Variants in PAN3 observed in about 807,000 individuals in gnomAD.
The protein encoded by PAN3 is PAN2-PAN3 deadenylation complex subunit PAN3.
In PAN3, 19 loss-of-function variants were observed where a neutral mutation model predicts 96.2. That is an observed-to-expected ratio of 0.20 (90% CI 0.14 to 0.29). The LOEUF is 0.29. PAN3 is among the 10% of genes least tolerant of loss of function. PAN3 has a pLI of 1.00. For synonymous variants in PAN3, 433 were observed against 406.6 expected, an observed-to-expected ratio of 1.06 and a Z score of -0.78; for missense variants, 882 against 1,108.1, an observed-to-expected ratio of 0.80 and a Z score of 2.90.
intron 15 of PAN3, among the ~76,000 whole-genome samples, chr13:28,277,583 T>G (rs1887166096): frequency 6.6e-6 from 1 of 152,214 alleles, no homozygotes; most frequent in South Asian, 2.1e-4. Flanking sequence ...TTTTAAACAT[T>G]TGGTTAAAGG....
intron 6 of PAN3, among the ~76,000 whole-genome samples, chr13:28,227,480 T>C (rs1339061806): frequency 6.6e-6 from 1 of 152,172 alleles, no homozygotes; most frequent in Non-Finnish European, 1.5e-5. Context: ...CTCTTGCTGC[T>C]CTTGGACTGC....
At chr13:28,162,479 G>C (rs1300554326) in intron 1 of PAN3, among the ~76,000 whole-genome samples, 1 of 151,992 alleles carries the variant, frequency 6.6e-6, no homozygotes, top group Admixed American at 6.6e-5. Flanking sequence ...GAGCTCACGA[G>C]TTTGAGACCA....
chr13:28,252,870 A>G (rs532398147), intron 6 of PAN3, among the ~76,000 whole-genome samples: 20 of 152,284 alleles, frequency 1.3e-4, no homozygotes, highest in South Asian at 6.2e-4. Context: ...CTGATCTTCT[A>G]TGTATTACTA....
chr13:28,288,152 T>C (rs1266018556), intron 18 of PAN3, 30 bp downstream of exon 18: 1 of 1,554,382 alleles, frequency 6.4e-7, no homozygotes, highest in African/African-American at 1.4e-5. Context: ...TTTAAGATCA[T>C]AATTCTGCCT....
In PAN3 at chr13:28,293,699, C is replaced by G. The variant is rs1245771887; in HGVS notation, c.*1177C>G. ...CATCTCAAAAGTTTGGGATTTTCCTCCTCTTAACTTTCTTAATATTTGGAC... is the reference window on the plus strand; with the variant it reads ...CATCTCAAAAGTTTGGGATTTTCCTGCTCTTAACTTTCTTAATATTTGGAC... On this transcript the variant is annotated 3_prime_UTR_variant, in exon 19 of 19. Transcript: ENST00000380958. 6.6e-6 allele frequency: 1 copy of G among 152,564 alleles called. No individual in the cohort carries two copies. Among genetic ancestry groups the G allele is most frequent in the African/African-American group, 2.4e-5 (1 of 41,414 alleles). The allele number at this position is 152,564 out of a possible 1,614,324, so 9.5% of individuals were successfully genotyped here.
At chr13:28,240,765 G>GA (rs1372822836) in intron 6 of PAN3, among the ~76,000 whole-genome samples, 1 of 152,086 alleles carries the variant, frequency 6.6e-6, no homozygotes, top group South Asian at 2.1e-4. Flanking sequence ...TAATTTGATT[G>GA]AAAAAATGAA....
At chr13:28,204,742 C>T (rs940325894) in intron 5 of PAN3, among the ~76,000 whole-genome samples, 2 of 152,122 alleles carry the variant, frequency 1.3e-5, no homozygotes, top group Non-Finnish European at 2.9e-5. Flanking sequence ...GTAAATTTCT[C>T]ATAATATTGC....
Position 28,215,238 on chromosome 13 carries a change from A to G in PAN3, c.853-4993A>G. The G allele has an allele frequency of 4.2e-6, 3 of 713,344 alleles. 1 individual carries two copies. Among genetic ancestry groups the G allele is most frequent in the South Asian group, 3.0e-5 (2 of 66,686 alleles). The allele number at this position is 713,344 out of a possible 1,614,324, so 44.2% of individuals were successfully genotyped here. On this transcript the variant is annotated intron_variant, in intron 5 of 18. Transcript: ENST00000380958. ...CTGCATCCTCCCACTAGCTTGTCCA[A>G]CTGACAAGTCCTTGCACCAGCCTCT...
chr13:28,235,678 A>AATAT (rs1446263805), intron 6 of PAN3, among the ~76,000 whole-genome samples: 2 of 123,602 alleles, frequency 1.6e-5, no homozygotes, highest in Admixed American at 8.7e-5. Flanking sequence ...GTCTTTCTCT[A>AATAT]ATATACACAC....
At chr13:28,252,031 G>A (rs143393474) in intron 6 of PAN3, among the ~76,000 whole-genome samples, 2,857 of 151,866 alleles carry the variant, frequency 0.019, 99 homozygotes, top group African/African-American at 0.065. Context: ...GGGATTACAG[G>A]TGCGCACCAC....
At chr13:28,280,737 T>C (rs921010395) in intron 16 of PAN3, among the ~76,000 whole-genome samples, 196 bp downstream of exon 16, 2 of 151,650 alleles carry the variant, frequency 1.3e-5, no homozygotes, top group South Asian at 4.1e-4. Context: ...ATTTTTGTAT[T>C]GTTAGTAGAG....
chr13:28,226,880 A>G (rs1189438394), intron 6 of PAN3, among the ~76,000 whole-genome samples: 1 of 152,250 alleles, frequency 6.6e-6, no homozygotes, highest in East Asian at 1.9e-4. Flanking sequence ...TATATTCAGC[A>G]GATTCATTCA....
At chr13:28,197,117 G>GTT (rs1239516007) in intron 4 of PAN3, 68 bp from the exon 5 acceptor site, 1 of 1,521,630 alleles carries the variant, frequency 6.6e-7, no homozygotes, top group African/African-American at 1.4e-5. Context: ...GTATATGTTA[G>GTT]TTATGTTAGT....
chr13:28,194,298 C>G (rs1171144090), intron 4 of PAN3, among the ~76,000 whole-genome samples: 1 of 151,570 alleles, frequency 6.6e-6, no homozygotes, highest in East Asian at 1.9e-4. Flanking sequence ...AATCATTTGA[C>G]AACCTGAGAT....
chr13:28,206,046 C>T lies in PAN3; in HGVS notation c.852+8700C>T, dbSNP rs901251657. On this transcript the variant is annotated intron_variant, in intron 5 of 18. Coordinates refer to ENST00000380958, the MANE Select transcript of PAN3 (RefSeq NM_175854.8). ...TGTCTCTTCAATATTACTCTTATTT[C>T]TCTATGTTGGTTACATCCTCTTAAC... 5.3e-5 allele frequency among the ~76,000 whole-genome samples: 8 copies of T among 152,044 alleles called. 1 individual carries two copies. In the South Asian group the frequency reaches 1.7e-3, roughly 32 times the overall value.
chr13:28,143,576 A>G (rs932236530), intron 1 of PAN3, among the ~76,000 whole-genome samples: 1 of 152,182 alleles, frequency 6.6e-6, no homozygotes, highest in Non-Finnish European at 1.5e-5. Flanking sequence ...TAGCTTTGTG[A>G]CTGAACGAAT....
chr13:28,262,325 TATG>T (rs1376798332), intron 9 of PAN3, among the ~76,000 whole-genome samples: 1 of 152,216 alleles, frequency 6.6e-6, no homozygotes, highest in Non-Finnish European at 1.5e-5. Flanking sequence ...ATAAATGAAA[TATG>T]ATATAATTTA....
chr13:28,295,095 C>T lies in PAN3; in HGVS notation c.*2573C>T, dbSNP rs556541468. The T allele has an allele frequency of 2.9e-4, 44 of 152,290 alleles. No individual in the cohort carries two copies. The highest frequency in any genetic ancestry group is 1.0e-3 in the African/African-American group (42 of 41,556). The allele number at this position is 152,290 out of a possible 1,614,324, so 9.4% of individuals were successfully genotyped here. On this transcript the variant is annotated 3_prime_UTR_variant, in exon 19 of 19. Transcript: ENST00000380958. ...TGAAATCATGTAACGTTGGTCATTT[C>T]AATATTTTGTACCTGTTTTAAATTC...
chr13:28,188,347 C>T (rs1420362706), intron 4 of PAN3, among the ~76,000 whole-genome samples: 1 of 152,022 alleles, frequency 6.6e-6, no homozygotes, highest in Non-Finnish European at 1.5e-5. Flanking sequence ...AATTAAATAT[C>T]AAATTATACC....
Sources: allele counts gnomAD v4.1 joint callset (sites outside exome capture counted in the v4.1 genomes callset), GRCh38; gene constraint gnomAD v4.1.1; transcripts MANE v1.5; gene names NCBI Gene and HGNC (gene_info 2026-07-23, HGNC 2026-07-21).